Variants in AOPEP observed in about 807,000 individuals in gnomAD.
AOPEP encodes aminopeptidase O.
AOPEP carries 77 observed loss-of-function variants against 98.1 expected under a neutral mutation model. The ratio of observed to expected loss-of-function variants is 0.78; its 90% CI spans 0.65 to 0.95. AOPEP has a LOEUF of 0.95. Ranked by LOEUF, AOPEP falls within the 40% of genes least tolerant of loss-of-function variation. The probability of loss-of-function intolerance (pLI) is 0.00; values close to 1 mark genes in which losing one functional copy is unlikely to be tolerated. For synonymous variants in AOPEP, 346 were observed against 365.3 expected, an observed-to-expected ratio of 0.95 and a Z score of 0.60; for missense variants, 1,024 against 1,024.7, an observed-to-expected ratio of 1.00 and a Z score of 0.01.
At chr9:94,855,533 A>G (rs952572049) in intron 5 of AOPEP, among the ~76,000 whole-genome samples, 1 of 152,082 alleles carries the variant, frequency 6.6e-6, no homozygotes, top group African/African-American at 2.4e-5. Flanking sequence ...TACTGAAAAT[A>G]CAAGTTAGCC....
At chr9:95,143,570 C>A in the AOPEP span, among the ~76,000 whole-genome samples, 1 of 152,178 alleles carries the variant, frequency 6.6e-6, no homozygotes, top group Non-Finnish European at 1.5e-5. Context: ...TGGATGAAGA[C>A]CAAATGCACA....
intron 7 of AOPEP, among the ~76,000 whole-genome samples, chr9:94,945,807 CAGA>C (rs2057553958): frequency 6.6e-6 from 1 of 152,162 alleles, no homozygotes; most frequent in South Asian, 2.1e-4. Context: ...TGCCTCTTTC[CAGA>C]AGAAGTCGTG....
chr9:95,087,818 G>A (rs1320018349), downstream of AOPEP, among the ~76,000 whole-genome samples: 1 of 152,312 alleles, frequency 6.6e-6, no homozygotes, highest in East Asian at 1.9e-4. Context: ...CTGTAGGAAC[G>A]GGTGCAGCCA....
chr9:95,133,606 T>C, the AOPEP span, among the ~76,000 whole-genome samples: 1 of 151,996 alleles, frequency 6.6e-6, no homozygotes, highest in African/African-American at 2.4e-5. Flanking sequence ...AAAAAGGACA[T>C]GGAGAAGGTT....
chr9:95,084,781 C>G (rs922644569), intron 16 of AOPEP, among the ~76,000 whole-genome samples: 4 of 152,116 alleles, frequency 2.6e-5, no homozygotes, highest in African/African-American at 9.7e-5. Flanking sequence ...GCAAGCCTGC[C>G]CCCCAACCAG....
At chr9:94,941,907 A>G (rs1307435811) in intron 7 of AOPEP, among the ~76,000 whole-genome samples, 1 of 152,198 alleles carries the variant, frequency 6.6e-6, no homozygotes, top group Non-Finnish European at 1.5e-5. Flanking sequence ...TTCAAAGCAC[A>G]TAGTAAGAAA....
At chr9:94,777,592 C>A (rs965550108) in intron 3 of AOPEP, among the ~76,000 whole-genome samples, 3 of 146,000 alleles carry the variant, frequency 2.1e-5, no homozygotes, top group Admixed American at 6.9e-5. Flanking sequence ...ATACATATAT[C>A]TGGCAAAAGG....
At chr9:94,843,533 A>C (rs1474938658) in intron 5 of AOPEP, among the ~76,000 whole-genome samples, 1 of 152,164 alleles carries the variant, frequency 6.6e-6, no homozygotes, top group Non-Finnish European at 1.5e-5. Context: ...TGGCATCTAG[A>C]ATAGGCTCAA....
intron 13 of AOPEP, among the ~76,000 whole-genome samples, chr9:95,052,102 A>AT (rs2066429466): frequency 6.6e-6 from 1 of 152,200 alleles, no homozygotes; most frequent in Non-Finnish European, 1.5e-5. Flanking sequence ...TTGCTATATA[A>AT]ATTTGCTTTT....
intron 14 of AOPEP, among the ~76,000 whole-genome samples, chr9:95,070,179 G>A (rs576571086): frequency 6.6e-5 from 10 of 152,336 alleles, no homozygotes; most frequent in African/African-American, 1.4e-4. Context: ...CTGGAATGCC[G>A]TTTGCCCTGT....
the AOPEP span, among the ~76,000 whole-genome samples, chr9:95,124,296 G>A: frequency 3.3e-5 from 5 of 152,026 alleles, no homozygotes; most frequent in Non-Finnish European, 7.4e-5. Flanking sequence ...CACCACTCTC[G>A]ACAGGCAATG....
chr9:95,063,399 A>G (rs939852664), intron 14 of AOPEP, among the ~76,000 whole-genome samples: 3 of 152,126 alleles, frequency 2.0e-5, no homozygotes, highest in Admixed American at 1.3e-4. Context: ...ACTGACCTTC[A>G]GGCAGCAGCA....
intron 3 of AOPEP, among the ~76,000 whole-genome samples, chr9:94,776,949 G>A (rs1285563380): frequency 6.7e-6 from 1 of 149,514 alleles, no homozygotes; most frequent in Non-Finnish European, 1.5e-5. Flanking sequence ...TGGATGAATG[G>A]TACATTTTCT....
intron 1 of AOPEP, among the ~76,000 whole-genome samples, chr9:94,747,048 T>G (rs892590717): frequency 6.6e-6 from 1 of 152,106 alleles, no homozygotes; most frequent in Non-Finnish European, 1.5e-5. Flanking sequence ...TGGGTTTTTT[T>G]TTTTTTTTTG....
chr9:95,146,487 CAAAAAAAAAAAA>C, the AOPEP span, among the ~76,000 whole-genome samples: 1 of 45,572 alleles, frequency 2.2e-5, no homozygotes, highest in Non-Finnish European at 3.5e-5. Flanking sequence ...GACCCCATCT[CAAAAAAAAAAAA>C]AAAAAAAAAA....
At chr9:94,863,658 C>T (rs1187910171) in intron 5 of AOPEP, among the ~76,000 whole-genome samples, 4 of 152,148 alleles carry the variant, frequency 2.6e-5, no homozygotes, top group East Asian at 3.9e-4. Flanking sequence ...TCAAGTGATC[C>T]ACCCGCCTCG....
intron 16 of AOPEP, chr9:95,085,529 T>G (rs1344186464): frequency 1.9e-6 from 1 of 517,762 alleles, no homozygotes; most frequent in South Asian, 1.5e-5. Context: ...GTTCTGCACC[T>G]GAAGAGAAGG....
chr9:95,082,867 C>G, intron 16 of AOPEP, 148 bp downstream of exon 16: 1 of 878,742 alleles, frequency 1.1e-6, no homozygotes. Context: ...GAGTAACTGG[C>G]CAAGTGGGTG....
rs916523450 is a variant in AOPEP at position 94,887,003 on chromosome 9, T to C, written c.1365-36983T>C. ...GTGTTGTTTCATGGTACTATTTAAA[T>C]TATTAGTCTCTGTTTCATTATTATG... On this transcript the variant is annotated intron_variant, in intron 5 of 16. Coordinates refer to ENST00000375315, the MANE Select transcript of AOPEP (RefSeq NM_001193329.3). Among the ~76,000 whole-genome samples the C allele has an allele frequency of 2.6e-5, 4 of 152,146 alleles. No homozygotes were observed. The South Asian group carries it at 8.3e-4, about 32-fold the overall frequency.
Sources: gnomAD v4.1 joint callset for allele counts (sites outside exome capture counted in the v4.1 genomes callset) on GRCh38, gnomAD v4.1.1 for gene constraint, MANE v1.5 for transcripts, NCBI Gene and HGNC (gene_info 2026-07-23, HGNC 2026-07-21) for gene names.